FRMD5: variants seen among roughly 807,000 people sequenced by gnomAD.
The protein encoded by FRMD5 is FERM domain-containing protein 5.
In FRMD5, 20 loss-of-function variants were observed where a neutral mutation model predicts 69.0. That is an observed-to-expected ratio of 0.29 (90% CI 0.20 to 0.42). FRMD5 has a LOEUF of 0.42. Ranked by LOEUF, FRMD5 falls within the 10% of genes least tolerant of loss-of-function variation. The pLI is 1.00. For synonymous variants in FRMD5, 271 were observed against 260.1 expected, an observed-to-expected ratio of 1.04 and a Z score of -0.40; for missense variants, 595 against 708.6, an observed-to-expected ratio of 0.84 and a Z score of 1.82.
intron 1 of FRMD5, among the ~76,000 whole-genome samples, chr15:44,139,328 C>CACACACAT (rs2077232721): frequency 1.3e-5 from 2 of 151,548 alleles, no homozygotes; most frequent in African/African-American, 4.8e-5. Context: ...CACACACACA[C>CACACACAT]ACTTTCTTTC....
intron 1 of FRMD5, among the ~76,000 whole-genome samples, chr15:44,154,756 T>G (rs2077500535): frequency 6.6e-6 from 1 of 152,156 alleles, no homozygotes; most frequent in Admixed American, 6.5e-5. Context: ...AAAAGTAGAT[T>G]AGTCATGCGG....
intron 1 of FRMD5, chr15:43,990,090 G>A: frequency 1.5e-6 from 1 of 681,356 alleles, no homozygotes. Context: ...CAATGAAGGG[G>A]AAGATGGCCC....
chr15:43,979,785 T>A (rs1341219533), intron 1 of FRMD5, among the ~76,000 whole-genome samples: 1 of 152,204 alleles, frequency 6.6e-6, no homozygotes, highest in Non-Finnish European at 1.5e-5. Context: ...TACCCACTGT[T>A]CTTCACAAAT....
intron 1 of FRMD5, among the ~76,000 whole-genome samples, chr15:44,021,179 G>A (rs1000360346): frequency 5.7e-4 from 86 of 152,202 alleles, no homozygotes; most frequent in African/African-American, 1.7e-3. Context: ...CCATCTACTC[G>A]GGAGGCTGAG....
At chr15:44,198,252 G>C (rs768695213), upstream of FRMD5, among the ~76,000 whole-genome samples, 13 of 151,572 alleles carry the variant, frequency 8.6e-5, no homozygotes, top group Non-Finnish European at 1.5e-4. Context: ...TGAGCCTAGG[G>C]GGAGGGGAAG....
chr15:44,005,279 G>C (rs751616726), intron 1 of FRMD5, among the ~76,000 whole-genome samples: 1 of 152,012 alleles, frequency 6.6e-6, no homozygotes, highest in Non-Finnish European at 1.5e-5. Context: ...TCAGGAGTTC[G>C]AGACCAGCCT....
chr15:44,061,926 T>C (rs1893104515), intron 1 of FRMD5, among the ~76,000 whole-genome samples: 2 of 152,214 alleles, frequency 1.3e-5, no homozygotes, highest in South Asian at 4.1e-4. Context: ...AGTGTACAGG[T>C]ACATGAGTGG....
intron 1 of FRMD5, among the ~76,000 whole-genome samples, chr15:44,171,465 G>T (rs2077801999): frequency 6.6e-6 from 1 of 152,112 alleles, no homozygotes; most frequent in Non-Finnish European, 1.5e-5. Flanking sequence ...CAGTATTTTT[G>T]TTTGGGGTTT....
intron 1 of FRMD5, among the ~76,000 whole-genome samples, chr15:44,118,544 T>G (rs1036360150): frequency 2.9e-4 from 44 of 152,344 alleles, no homozygotes; most frequent in African/African-American, 1.1e-3. Flanking sequence ...TATACTCACT[T>G]TTCTATGAAC....
intron 1 of FRMD5, among the ~76,000 whole-genome samples, chr15:43,990,736 GATA>G (rs1889634987): frequency 6.6e-6 from 1 of 152,162 alleles, no homozygotes; most frequent in South Asian, 2.1e-4. Flanking sequence ...ATGAAGAGAA[GATA>G]ATAATAACAG....
chr15:44,096,424 A>G (rs552706937), intron 1 of FRMD5, among the ~76,000 whole-genome samples: 1 of 143,082 alleles, frequency 7.0e-6, no homozygotes, highest in East Asian at 2.0e-4. Context: ...TTTTTTTTAG[A>G]CAGAGTCTTG....
chr15:44,050,141 T>C (rs554793062), intron 1 of FRMD5, among the ~76,000 whole-genome samples: 2 of 152,338 alleles, frequency 1.3e-5, no homozygotes, highest in East Asian at 3.9e-4. Flanking sequence ...ATTATATCTA[T>C]GAATTATTAA....
At chr15:44,000,180 G>T (rs1436071296) in intron 1 of FRMD5, among the ~76,000 whole-genome samples, 1 of 151,346 alleles carries the variant, frequency 6.6e-6, no homozygotes, top group Non-Finnish European at 1.5e-5. Flanking sequence ...TAGAGACAGG[G>T]TCTTACTATA....
Position 44,067,411 on chromosome 15 carries a change from A to G in FRMD5, c.102+127542T>C, listed in dbSNP as rs139225760. On this transcript the variant is annotated intron_variant, in intron 1 of 13. Coordinates refer to ENST00000417257, the MANE Select transcript of FRMD5 (RefSeq NM_032892.5). The stretch of plus-strand genomic sequence containing the variant: ...TGTAAAGACTTTTGTGCTTCAGAGG[A>G]CACTGACTTAATCAGTGTTAGGCTG... Among the ~76,000 whole-genome samples, 46 of 152,344 alleles carry G rather than the reference A, an allele frequency of 3.0e-4. No individual in the cohort carries two copies. In the East Asian group the frequency reaches 8.1e-3, roughly 27 times the overall value.
chr15:43,953,975 C>T (rs2090076197), intron 1 of FRMD5, among the ~76,000 whole-genome samples: 1 of 152,078 alleles, frequency 6.6e-6, no homozygotes, highest in Admixed American at 6.6e-5. Context: ...TAAACTGGTT[C>T]CCAGGTTTCT....
chr15:44,004,171 C>G (rs1890334156), intron 1 of FRMD5, among the ~76,000 whole-genome samples: 1 of 152,274 alleles, frequency 6.6e-6, no homozygotes, highest in African/African-American at 2.4e-5. Flanking sequence ...TGTGTCCTTA[C>G]AAGAAATTTA....
intron 10 of FRMD5, among the ~76,000 whole-genome samples, chr15:43,886,220 T>G (rs1264999887): frequency 4.6e-5 from 7 of 152,100 alleles, no homozygotes; most frequent in Non-Finnish European, 1.0e-4. Flanking sequence ...TCCCAGTATT[T>G]GATTTTGTGT....
intron 1 of FRMD5, among the ~76,000 whole-genome samples, chr15:43,941,974 C>T (rs1441737111): frequency 2.0e-5 from 3 of 152,118 alleles, no homozygotes; most frequent in Non-Finnish European, 1.5e-5. Context: ...TATTTATTGT[C>T]AAATTAGCCA....
At chr15:44,158,954 A>T (rs1033232915) in intron 1 of FRMD5, among the ~76,000 whole-genome samples, 1 of 152,242 alleles carries the variant, frequency 6.6e-6, no homozygotes, top group Non-Finnish European at 1.5e-5. Context: ...GAGTATGCCC[A>T]GCATGGCATA....
Sources: gnomAD v4.1 joint callset for allele counts (sites outside exome capture counted in the v4.1 genomes callset) on GRCh38, gnomAD v4.1.1 for gene constraint, MANE v1.5 for transcripts, NCBI Gene and HGNC (gene_info 2026-07-23, HGNC 2026-07-21) for gene names.